The following WDFY4 variants were observed in gnomAD, a reference collection of about 807,000 sequenced individuals.
WDFY4 encodes the protein WDFY family member 4.
In WDFY4, 169 loss-of-function variants were observed where a neutral mutation model predicts 351.9. The ratio of observed to expected loss-of-function variants is 0.48; its 90% CI spans 0.42 to 0.55. The LOEUF is 0.55. Among genes scored for constraint, WDFY4 ranks in the 20% least tolerant of loss-of-function variants. The pLI is 0.00. For missense variants in WDFY4, 3,803 were observed against 3,935.6 expected (o/e 0.97, Z 0.90); for synonymous variants, 1,622 against 1,574.6 (o/e 1.03, Z -0.71).
chr10:48,784,547 T>A (rs2066334465), intron 19 of WDFY4, among the ~76,000 whole-genome samples: 1 of 123,838 alleles, frequency 8.1e-6, no homozygotes, highest in Non-Finnish European at 1.7e-5. Flanking sequence ...TTTTTTTTTT[T>A]TTTTTTTTTT....
At chr10:48,975,121 A>T in intron 58 of WDFY4, 80 bp downstream of exon 58, 2 of 1,537,788 alleles carry the variant, frequency 1.3e-6, no homozygotes, top group Admixed American at 3.9e-5. Context: ...AAGCCCAGAG[A>T]CACAGAGACT....
intron 11 of WDFY4, 96 bp from the exon 12 acceptor site, chr10:48,742,872 G>A: frequency 8.5e-7 from 1 of 1,175,260 alleles, no homozygotes; most frequent in Non-Finnish European, 1.2e-6. Flanking sequence ...AGTCGTTGAG[G>A]GAAGAGCTAG....
chr10:48,774,503 C>A lies in WDFY4; in HGVS notation c.2599C>A (p.Leu867Met). 6.4e-7 allele frequency: 1 copy of A among 1,551,754 alleles called. No homozygotes were observed. Among genetic ancestry groups the A allele is most frequent in the Non-Finnish European group, 8.7e-7 (1 of 1,147,010 alleles). ...CTCCCTGGCCAGTCATATCCAGTCC[C>A]TGGTGAAGTCGGAGAAGAACCGCCA... is the stretch of plus-strand genomic sequence containing the variant. ...QCSLASHIQS[L>M]VKSEKNRQVM... is the part of the protein sequence containing the mutation. Residue 867 changes from leucine to methionine, a missense_variant, in exon 14 of 62, where the codon CTG becomes ATG. Coordinates refer to ENST00000325239, the MANE Select transcript of WDFY4 (RefSeq NM_001394531.1).
chr10:48,725,910 G>A lies in WDFY4; in HGVS notation c.621G>A (p.Gln207=). 6.5e-7 allele frequency: 1 copy of A among 1,549,636 alleles called. No homozygotes were observed. Among genetic ancestry groups the A allele is most frequent in the Non-Finnish European group, 8.7e-7 (1 of 1,145,310 alleles). ...QMLLNICSDS[Q]GLEGLLSGSE... is the part of the protein sequence containing the mutation. ...TGCTCAATATTTGCAGTGACTCTCA[G>A]GGCCTGGAGGGACTCCTCTCAGGAA... The change falls in exon 6 of 62, where the codon CAG becomes CAA. Residue 207 remains glutamine, a synonymous_variant. Transcript: ENST00000325239.
intron 1 of WDFY4, 25 bp from the exon 2 acceptor site, chr10:48,709,691 T>C: frequency 6.5e-7 from 1 of 1,538,700 alleles, no homozygotes; most frequent in East Asian, 2.4e-5. Flanking sequence ...ACAGGAATGT[T>C]CACTTCTATT....
intron 42 of WDFY4, 59 bp from the exon 43 acceptor site, chr10:48,876,974 G>A (rs933729045): frequency 1.9e-5 from 27 of 1,422,114 alleles, no homozygotes; most frequent in Middle Eastern, 2.6e-4. Flanking sequence ...GCTGTGCACC[G>A]GCCCTTACCA....
chr10:48,856,155 T>A (rs1377816468), intron 39 of WDFY4, among the ~76,000 whole-genome samples: 1 of 152,184 alleles, frequency 6.6e-6, no homozygotes, highest in East Asian at 1.9e-4. Flanking sequence ...TTATATCTGT[T>A]TCTTTGTTCA....
intron 12 of WDFY4, chr10:48,745,598 T>G (rs1050458803): frequency 1.2e-5 from 6 of 518,524 alleles, no homozygotes; most frequent in Admixed American, 2.5e-5. Context: ...ACGTTCTTTT[T>G]GGCCTGTTTC....
chr10:48,727,544 G>A lies in WDFY4; in HGVS notation c.856G>A (p.Glu286Lys), dbSNP rs75030191. The change falls in exon 7 of 62, where the codon GAG becomes AAG. Residue 286 changes from glutamate (E) to lysine (K), a missense_variant. Coordinates refer to ENST00000325239, the MANE Select transcript of WDFY4 (RefSeq NM_001394531.1). ...CACTCTCCCTGCCCCTGAAGTGAGC[G>A]AGGCTGTAAGCCTGATCTTGGGATT... ...TDTLPAPEVS[E>K]AVSLILGFVK... 3.0e-4 allele frequency: 459 copies of A among 1,551,820 alleles called. No homozygotes were observed. Among genetic ancestry groups the A allele is most frequent in the Non-Finnish European group, 3.8e-4 (435 of 1,147,032 alleles).
At chr10:48,918,521 C>CA (rs1202829383) in intron 47 of WDFY4, among the ~76,000 whole-genome samples, 1 of 151,728 alleles carries the variant, frequency 6.6e-6, no homozygotes, top group Non-Finnish European at 1.5e-5. Flanking sequence ...ACCAATAGGA[C>CA]AAAAAAATCC....
chr10:48,940,943 A>G (rs1482795568), intron 47 of WDFY4, among the ~76,000 whole-genome samples: 2 of 152,222 alleles, frequency 1.3e-5, no homozygotes, highest in African/African-American at 4.8e-5. Context: ...AATTTTAGCC[A>G]TGTACATTAG....
intron 2 of WDFY4, among the ~76,000 whole-genome samples, chr10:48,711,567 A>G (rs1179222651): frequency 6.6e-6 from 1 of 152,178 alleles, no homozygotes; most frequent in Non-Finnish European, 1.5e-5. Flanking sequence ...CTCTGATGAA[A>G]GGACTGCACC....
Position 48,946,031 on chromosome 10 carries a change from G to A in WDFY4, c.7750-9G>A, listed in dbSNP as rs964965574. 1 of 1,532,548 alleles carries A rather than the reference G, an allele frequency of 6.5e-7. No homozygotes were observed. The highest frequency in any genetic ancestry group is 8.8e-7 in the Non-Finnish European group (1 of 1,139,548). The allele number at this position is 1,532,548 out of a possible 1,614,324, so 94.9% of individuals were successfully genotyped here. On this transcript the variant is annotated splice_polypyrimidine_tract_variant and intron_variant, in intron 49 of 61. Coordinates refer to ENST00000325239, the MANE Select transcript of WDFY4 (RefSeq NM_001394531.1). ...GGGAGTTAACTCCAGCTGCACATCT[G>A]CCTTCTAGACATTGAACTTGGCAAA...
intron 47 of WDFY4, among the ~76,000 whole-genome samples, chr10:48,915,733 G>A (rs764728441): frequency 2.6e-5 from 4 of 152,268 alleles, no homozygotes; most frequent in African/African-American, 4.8e-5. Flanking sequence ...CCTACCCTGC[G>A]AAAGGCCTGA....
At chr10:48,787,082 C>T (rs1359392508) in intron 20 of WDFY4, among the ~76,000 whole-genome samples, 3 of 152,092 alleles carry the variant, frequency 2.0e-5, no homozygotes, top group Non-Finnish European at 4.4e-5. Flanking sequence ...CTCCAAAGCC[C>T]TAATGGGGAA....
In WDFY4 at chr10:48,846,045, C is replaced by T. The variant is rs140623273; in HGVS notation, c.6663+13336C>T. ...CTGCCCCATCCTGCCATCATGTCACCCCCACTGTGAGTTTCTAAAGATCTG... is the reference window on the plus strand; with the variant it reads ...CTGCCCCATCCTGCCATCATGTCACTCCCACTGTGAGTTTCTAAAGATCTG... On this transcript the variant is annotated intron_variant, in intron 39 of 61. Transcript: ENST00000325239. 5.7e-3 allele frequency among the ~76,000 whole-genome samples: 865 copies of T among 152,308 alleles called. 3 individuals carry two copies. The highest frequency in any genetic ancestry group is 7.2e-3 in the Non-Finnish European group (488 of 68,032).
At chr10:48,839,711 T>C (rs376772295) in intron 39 of WDFY4, among the ~76,000 whole-genome samples, 27 of 152,358 alleles carry the variant, frequency 1.8e-4, no homozygotes, top group East Asian at 1.2e-3. Flanking sequence ...ATCACAATGC[T>C]GTATTGTTGG....
At chr10:48,934,165 T>C (rs917296349) in intron 47 of WDFY4, among the ~76,000 whole-genome samples, 3 of 152,228 alleles carry the variant, frequency 2.0e-5, no homozygotes, top group African/African-American at 4.8e-5. Flanking sequence ...CCCCATTTCA[T>C]TGGCCGGGAG....
At position 48,820,847 on chromosome 10, in the gene WDFY4, C is replaced by G. The variant is rs994136108; in HGVS notation, c.5710-215C>G. Reference sequence around the variant, plus strand: ...CAGGTGGCCGTGGGCTGTGGGCTCCCCTGACTTGCCTCCTTACCCTCGGAA... The same window carrying G: ...CAGGTGGCCGTGGGCTGTGGGCTCCGCTGACTTGCCTCCTTACCCTCGGAA... On this transcript the variant is annotated intron_variant, in intron 33 of 61. Transcript: ENST00000325239. Among the ~76,000 whole-genome samples, 3 of 152,122 alleles carry G rather than the reference C, an allele frequency of 2.0e-5. No individual in the cohort carries two copies. In the South Asian group the frequency reaches 6.2e-4, roughly 32 times the overall value.
Sources: gnomAD v4.1 joint callset for allele counts (sites outside exome capture counted in the v4.1 genomes callset) on GRCh38, gnomAD v4.1.1 for gene constraint, MANE v1.5 for transcripts, NCBI Gene and HGNC (gene_info 2026-07-23, HGNC 2026-07-21) for gene names.